Variants in EVI5 observed in about 807,000 individuals in gnomAD.
EVI5 encodes the protein ecotropic viral integration site 5, also known as ecotropic viral integration site 5 protein homolog.
Under a neutral mutation model 112.0 loss-of-function variants are expected in EVI5, and 73 were observed. That is an observed-to-expected ratio of 0.65 (90% confidence interval 0.54 to 0.79). The LOEUF (loss-of-function observed/expected upper bound fraction) is 0.79, where lower values mean the gene tolerates loss of function less well. Ranked by LOEUF, EVI5 falls within the 30% of genes least tolerant of loss-of-function variation. The pLI, the probability that EVI5 is intolerant of heterozygous loss-of-function variation, is 0.00. For missense variants in EVI5, 900 were observed against 968.8 expected (o/e 0.93, Z 0.94); for synonymous variants, 305 against 319.9 (o/e 0.95, Z 0.50).
intron 19 of EVI5, among the ~76,000 whole-genome samples, chr1:92,518,620 C>T (rs1054480144): frequency 2.7e-5 from 4 of 147,512 alleles, no homozygotes; most frequent in South Asian, 2.2e-4. Flanking sequence ...TCCGAGAAGC[C>T]GGGAAAAAAC....
intron 2 of EVI5, among the ~76,000 whole-genome samples, chr1:92,723,229 GAAGT>G (rs1675036502): frequency 6.6e-6 from 1 of 152,128 alleles, no homozygotes; most frequent in Non-Finnish European, 1.5e-5. Flanking sequence ...AAGCTAAGCA[GAAGT>G]AACATTCACA....
At chr1:92,589,456 C>G (rs1237915836) in intron 18 of EVI5, among the ~76,000 whole-genome samples, 2 of 152,198 alleles carry the variant, frequency 1.3e-5, no homozygotes, top group Non-Finnish European at 2.9e-5. Context: ...AAACAGCACA[C>G]CAGGAGATTG....
chr1:92,611,128 C>CAAA (rs35864378), intron 16 of EVI5, among the ~76,000 whole-genome samples: 104,604 of 148,980 alleles, frequency 0.7, 37,344 homozygotes, highest in East Asian at 0.93. Context: ...TAAATCCCCC[C>CAAA]AAAAAAAAGA....
intron 18 of EVI5, among the ~76,000 whole-genome samples, chr1:92,587,040 A>G (rs1051445244): frequency 2.6e-5 from 4 of 152,236 alleles, no homozygotes; most frequent in Middle Eastern, 3.4e-3. Flanking sequence ...GATCCAAATG[A>G]TGTTCTTCAA....
At chr1:92,668,634 T>C (rs1174627536) in intron 10 of EVI5, among the ~76,000 whole-genome samples, 1 of 152,198 alleles carries the variant, frequency 6.6e-6, no homozygotes, top group Non-Finnish European at 1.5e-5. Context: ...AAAATCTAAA[T>C]TGATTTTCTC....
At chr1:92,595,323 A>C (rs9660832) in intron 18 of EVI5, among the ~76,000 whole-genome samples, 138,573 of 150,498 alleles carry the variant, frequency 0.92, 63,890 homozygotes, top group East Asian at 0.97. Context: ...GGACAAAAAA[A>C]CAAACACCGC....
At chr1:92,786,547 C>T (rs769117169), upstream of EVI5, among the ~76,000 whole-genome samples, 4 of 152,134 alleles carry the variant, frequency 2.6e-5, no homozygotes, top group Non-Finnish European at 4.4e-5. Flanking sequence ...AATCTGTCCT[C>T]TCCTATTTCC....
At chr1:92,728,017 A>C (rs199689741) in intron 2 of EVI5, among the ~76,000 whole-genome samples, 1 of 27,754 alleles carries the variant, frequency 3.6e-5, no homozygotes, top group African/African-American at 1.1e-4. Flanking sequence ...TTAAAGATAA[A>C]CAAAAAAAAA....
chr1:92,651,833 A>G (rs1289812411), intron 13 of EVI5, among the ~76,000 whole-genome samples: 2 of 140,794 alleles, frequency 1.4e-5, no homozygotes, highest in African/African-American at 5.3e-5. Flanking sequence ...CCTGGGCGAC[A>G]GAGCGAGACT....
upstream of EVI5, chr1:92,785,166 T>C (rs983571532): frequency 3.2e-6 from 3 of 951,976 alleles, no homozygotes; most frequent in African/African-American, 1.8e-5. Flanking sequence ...GCAGAATGGG[T>C]TGGAGCAGGT....
intron 2 of EVI5, among the ~76,000 whole-genome samples, chr1:92,712,735 T>G (rs757030045): frequency 2.9e-4 from 44 of 152,122 alleles, no homozygotes; most frequent in Middle Eastern, 6.8e-3. Flanking sequence ...GCTTGCAAGC[T>G]CTTCACTTCC....
At position 92,697,993 on chromosome 1, in the gene EVI5, G is replaced by GA; in HGVS notation, c.640-9_640-8insT. On this transcript the variant is annotated splice_polypyrimidine_tract_variant and intron_variant, in intron 5 of 19. Coordinates refer to ENST00000684568, the MANE Select transcript of EVI5 (RefSeq NM_001350197.2). ...AGCTTCTTCTTCTGGCATCTACATT[G>GA]GAAGAAAAAAAAACAACATAGGTTA... 6.3e-7 allele frequency: 1 copy of GA among 1,597,428 alleles called. No individual in the cohort carries two copies. The highest frequency in any genetic ancestry group is 8.5e-7 in the Non-Finnish European group (1 of 1,174,484).
rs751448529 is a variant in EVI5, at chr1:92,509,938, C to T, written c.*3718G>A. 7 of 152,106 alleles carry T rather than the reference C, an allele frequency of 4.6e-5. No homozygotes were observed. Among genetic ancestry groups the T allele is most frequent in the Non-Finnish European group, 5.9e-5 (4 of 68,030 alleles). The allele number at this position is 152,106 out of a possible 1,614,324, so 9.4% of individuals were successfully genotyped here. A position where few individuals can be genotyped will look rare whatever the true frequency, so the allele number is the denominator to read the frequency against. ...ATGTCAGTAATTAAATAAAATTCAT[C>T]GAGAACATTGTTCAATGCTTCAAAG... On this transcript the variant is annotated 3_prime_UTR_variant, in exon 20 of 20. Coordinates refer to ENST00000684568, the MANE Select transcript of EVI5 (RefSeq NM_001350197.2).
intron 2 of EVI5, among the ~76,000 whole-genome samples, chr1:92,727,776 G>A (rs1675798723): frequency 6.6e-6 from 1 of 152,004 alleles, no homozygotes; most frequent in African/African-American, 2.4e-5. Flanking sequence ...AACATTTTAG[G>A]AGGCTGAGGT....
intron 2 of EVI5, among the ~76,000 whole-genome samples, chr1:92,735,758 T>C (rs929007709): frequency 2.8e-5 from 4 of 143,806 alleles, no homozygotes; most frequent in Non-Finnish European, 4.5e-5. Context: ...TAAAATATAA[T>C]ATGATATATG....
intron 18 of EVI5, among the ~76,000 whole-genome samples, chr1:92,578,564 A>G (rs965566612): frequency 6.6e-6 from 1 of 151,994 alleles, no homozygotes; most frequent in African/African-American, 2.4e-5. Flanking sequence ...ACAAAATACA[A>G]AAAATTAGCT....
At chr1:92,639,138 A>G (rs1406170571) in intron 13 of EVI5, among the ~76,000 whole-genome samples, 1 of 152,170 alleles carries the variant, frequency 6.6e-6, no homozygotes, top group African/African-American at 2.4e-5. Flanking sequence ...ATGTAAATGA[A>G]TCTCATAATG....
chr1:92,534,480 C>T (rs1449270137), intron 19 of EVI5, among the ~76,000 whole-genome samples: 1 of 152,150 alleles, frequency 6.6e-6, no homozygotes, highest in Non-Finnish European at 1.5e-5. Flanking sequence ...CAAGACAATC[C>T]TAAGCAAAAA....
chr1:92,590,908 T>C (rs1024583393), intron 18 of EVI5, among the ~76,000 whole-genome samples: 1 of 152,202 alleles, frequency 6.6e-6, no homozygotes, highest in African/African-American at 2.4e-5. Flanking sequence ...GACTAACAGC[T>C]GATCTCTCAG....
Sources: gnomAD v4.1 joint callset for allele counts (sites outside exome capture counted in the v4.1 genomes callset) on GRCh38, gnomAD v4.1.1 for gene constraint, MANE v1.5 for transcripts, NCBI Gene and HGNC (gene_info 2026-07-23, HGNC 2026-07-21) for gene names.